Variants in CYFIP1 observed in about 807,000 individuals in gnomAD.
The protein encoded by CYFIP1 is cytoplasmic FMR1-interacting protein 1.
In CYFIP1, 58 loss-of-function variants were observed where a neutral mutation model predicts 163.5. That is an observed-to-expected ratio of 0.35 (90% CI 0.29 to 0.44). The LOEUF (loss-of-function observed/expected upper bound fraction) is 0.44, where lower values mean the gene tolerates loss of function less well. Ranked by LOEUF, CYFIP1 falls within the 20% of genes least tolerant of loss-of-function variation. CYFIP1 has a pLI of 1.00. For missense variants in CYFIP1, 1,338 were observed against 1,653.8 expected (o/e 0.81, Z 3.31); for synonymous variants, 663 against 660.7 (o/e 1.00, Z -0.05).
chr15:22,917,701 A>G lies in CYFIP1; in HGVS notation c.1674+87T>C. 6.9e-7 allele frequency: 1 copy of G among 1,452,154 alleles called. No individual in the cohort carries two copies. Among genetic ancestry groups the G allele is most frequent in the South Asian group, 1.4e-5 (1 of 71,760 alleles). 90.0% of individuals were successfully genotyped at this position (1,452,154 alleles called of 1,614,324 possible). A position where few individuals can be genotyped will look rare whatever the true frequency, so the allele number is the denominator to read the frequency against. On this transcript the variant is annotated intron_variant, in intron 15 of 30. Transcript: ENST00000617928. This position sits in a 1 kb window ranked among gnomAD's most constrained non-coding sequence, Gnocchi z 4.2. Reference sequence around the variant, plus strand: ...GAGCAGGCAGCGAGGACCTCATTTAACCCGGGCCTCACCAGCCCCACCCGC... The same window carrying G: ...GAGCAGGCAGCGAGGACCTCATTTAGCCCGGGCCTCACCAGCCCCACCCGC...
chr15:22,908,756 T>G (rs923944969), intron 21 of CYFIP1, among the ~76,000 whole-genome samples: 1 of 152,028 alleles, frequency 6.6e-6, no homozygotes, highest in African/African-American at 2.4e-5. Flanking sequence ...CTCAAACTCC[T>G]GACCTCAAAT....
rs778217330 is a variant in CYFIP1, at chr15:22,917,811, C to T, written c.1651G>A (p.Ala551Thr). 9.3e-6 allele frequency: 15 copies of T among 1,612,258 alleles called. No individual in the cohort carries two copies. Among genetic ancestry groups the T allele is most frequent in the East Asian group, 2.2e-5 (1 of 44,838 alleles). The stretch of plus-strand genomic sequence containing the variant: ...ACCTGAGTGCTGGAGGGTCCCACGG[C>T]GCGGCGTGGTACTTTTATGTCGAAG... ...SGFDIKVPRR[A>T]VGPSSTQLYM... The change falls in exon 15 of 31, where the codon GCC becomes ACC. Residue 551 changes from alanine (A) to threonine (T), a missense_variant. Around this residue, in one of 4 missense-constraint regions of CYFIP1, gnomAD observed 824 missense variants for 995.7 expected, o/e 0.83. Coordinates refer to ENST00000617928, the MANE Select transcript of CYFIP1 (RefSeq NM_014608.6). This position sits in a 1 kb window ranked among gnomAD's most constrained non-coding sequence, Gnocchi z 4.2.
intron 22 of CYFIP1, among the ~76,000 whole-genome samples, chr15:22,897,442 G>A (rs1299090923): frequency 6.6e-6 from 1 of 151,650 alleles, no homozygotes; most frequent in Non-Finnish European, 1.5e-5. Flanking sequence ...AGTACCTCTG[G>A]CACCTCTAGT....
At chr15:22,898,635 A>G (rs2060304299) in intron 22 of CYFIP1, among the ~76,000 whole-genome samples, 1 of 152,068 alleles carries the variant, frequency 6.6e-6, no homozygotes, top group Non-Finnish European at 1.5e-5. Flanking sequence ...CCCCAGGCTC[A>G]AGTGATCCTC....
rs779437835 is a variant in CYFIP1, at chr15:22,925,981, C to A, written c.1359+1G>T. Reference sequence around the variant, plus strand: ...AAGAGCGAGCGGCCGAGCATCCTCACCTCCACTAGGGCAAACTTCTCCTCG... The same window carrying A: ...AAGAGCGAGCGGCCGAGCATCCTCAACTCCACTAGGGCAAACTTCTCCTCG... On this transcript the variant is annotated splice_donor_variant, in intron 13 of 30. Transcript: ENST00000617928. LOFTEE classifies it high-confidence loss of function. 6.2e-7 allele frequency: 1 copy of A among 1,613,302 alleles called. No individual in the cohort carries two copies. Among genetic ancestry groups the A allele is most frequent in the Non-Finnish European group, 8.5e-7 (1 of 1,179,382 alleles).
At chr15:22,911,078 G>A (rs1274829191) in intron 18 of CYFIP1, among the ~76,000 whole-genome samples, 2 of 152,116 alleles carry the variant, frequency 1.3e-5, no homozygotes, top group East Asian at 1.9e-4. Flanking sequence ...GTGGTGGCAC[G>A]TGCCCGTGGT....
At chr15:22,946,720 G>A (rs769087855) in intron 3 of CYFIP1, 12 of 600,002 alleles carry the variant, frequency 2.0e-5, no homozygotes, top group African/African-American at 3.7e-5. Context: ...TGGTGTGTGT[G>A]GGTGCAGATC....
At chr15:22,980,570 G>A, upstream of CYFIP1, among the ~76,000 whole-genome samples, 1 of 152,168 alleles carries the variant, frequency 6.6e-6, no homozygotes, top group Admixed American at 6.5e-5. Context: ...CTGGCTACCT[G>A]CCGGCCTGGG....
At chr15:22,902,027 G>A (rs967636128) in intron 22 of CYFIP1, among the ~76,000 whole-genome samples, 23 of 152,336 alleles carry the variant, frequency 1.5e-4, no homozygotes, top group African/African-American at 5.3e-4. Flanking sequence ...GCACCAGGAG[G>A]CTGAGGTCAC....
chr15:22,873,973 G>T (rs1336329467), intron 28 of CYFIP1, among the ~76,000 whole-genome samples: 1 of 152,206 alleles, frequency 6.6e-6, no homozygotes, highest in Non-Finnish European at 1.5e-5. Flanking sequence ...GCCCAGGCTG[G>T]TCTCAAACTC....
intron 25 of CYFIP1, among the ~76,000 whole-genome samples, chr15:22,880,599 C>T (rs1278774379): frequency 6.6e-6 from 1 of 152,182 alleles, no homozygotes; most frequent in East Asian, 1.9e-4. Context: ...CAACGTTTCC[C>T]AGCCAATCTA....
intron 1 of CYFIP1, among the ~76,000 whole-genome samples, chr15:22,964,263 A>C (rs1595719176): frequency 8.8e-6 from 1 of 113,490 alleles, no homozygotes; most frequent in Non-Finnish European, 1.8e-5. Flanking sequence ...GAGTGAGTCC[A>C]CTCCTCCTCA....
At position 22,882,037 on chromosome 15, in the gene CYFIP1, C is replaced by T. The variant is rs1002739367; in HGVS notation, c.2821-101G>A. The stretch of plus-strand genomic sequence containing the variant: ...GAAACAAGTCTGTTAGCAAAGAGCT[C>T]GGTAACCAGCAAGGCTGCAGGATCG... On this transcript the variant is annotated intron_variant, in intron 24 of 30. Coordinates refer to ENST00000617928, the MANE Select transcript of CYFIP1 (RefSeq NM_014608.6). 10 of 965,340 alleles carry T rather than the reference C, an allele frequency of 1.0e-5. No homozygotes were observed. In the African/African-American group the frequency reaches 1.3e-4, roughly 12 times the overall value. 59.8% of individuals were successfully genotyped at this position (965,340 alleles called of 1,614,324 possible). A position where few individuals can be genotyped will look rare whatever the true frequency, so the allele number is the denominator to read the frequency against.
rs1482187427 is a variant in CYFIP1 at position 22,867,878 on chromosome 15, G to GCAAA, written c.*2146_*2149dup. Reference sequence around the variant, plus strand: ...TTTATGAAGAAGTCGATGGAAAACTGCAAACATATGCAGAAAAGGTAGAAT... The same window carrying GCAAA: ...TTTATGAAGAAGTCGATGGAAAACTGCAAACAAACATATGCAGAAAAGGTAGAAT... On this transcript the variant is annotated 3_prime_UTR_variant, in exon 31 of 31. Coordinates refer to ENST00000617928, the MANE Select transcript of CYFIP1 (RefSeq NM_014608.6). The GCAAA allele has an allele frequency of 3.3e-5, 5 of 152,274 alleles. No homozygotes were observed. Among genetic ancestry groups the GCAAA allele is most frequent in the South Asian group, 4.1e-4 (2 of 4,828 alleles). 9.4% of individuals were successfully genotyped at this position (152,274 alleles called of 1,614,324 possible).
rs764841743 is a variant in CYFIP1 at position 22,873,603 on chromosome 15, G to A, written c.3337C>T (p.Leu1113=). The A allele has an allele frequency of 1.2e-6, 2 of 1,614,130 alleles. No homozygotes were observed. The highest frequency in any genetic ancestry group is 1.3e-5 in the African/African-American group (1 of 74,944). ...ACATGCATGACCCCATTGCTGGGCA[G>A]AGGCCCGCGCCAGATGGGGTCATCC... ...FLDDPIWRGP[L]PSNGVMHVDE... is the part of the protein sequence containing the mutation. Residue 1113 remains leucine, a synonymous_variant, in exon 29 of 31, where the codon CTG becomes TTG. Transcript: ENST00000617928.
chr15:22,939,390 G>A (rs2061823937), intron 7 of CYFIP1, 21 bp downstream of exon 7: 2 of 1,613,906 alleles, frequency 1.2e-6, no homozygotes, highest in East Asian at 2.2e-5. Context: ...ATCAACCTGA[G>A]TGTGCAAACA....
intron 11 of CYFIP1, among the ~76,000 whole-genome samples, chr15:22,931,467 A>C (rs1203833454): frequency 6.6e-6 from 1 of 151,808 alleles, no homozygotes; most frequent in Non-Finnish European, 1.5e-5. Context: ...TCTGACAGCC[A>C]CCCAGAGGCT....
intron 26 of CYFIP1, among the ~76,000 whole-genome samples, chr15:22,876,564 C>G (rs1346338842): frequency 6.6e-6 from 1 of 151,974 alleles, no homozygotes; most frequent in Non-Finnish European, 1.5e-5. Flanking sequence ...AATGTCAGGC[C>G]AGGTGCAGTG....
chr15:22,875,292 G>A (rs1316286275), intron 26 of CYFIP1, 21 bp from the exon 27 acceptor site: 1 of 1,610,398 alleles, frequency 6.2e-7, no homozygotes, highest in African/African-American at 1.3e-5. Flanking sequence ...GAAAGAGAGG[G>A]TCAAGCTAGG....
Sources: gnomAD v4.1 joint callset for allele counts (sites outside exome capture counted in the v4.1 genomes callset) on GRCh38, gnomAD v4.1.1 for gene constraint, gnomAD v4.1.1 regional missense constraint, Gnocchi (gnomAD v3.1) non-coding constraint, MANE v1.5 for transcripts, NCBI Gene and HGNC (gene_info 2026-07-23, HGNC 2026-07-21) for gene names.